Variants in UTRN observed in about 807,000 individuals in gnomAD.
The protein encoded by UTRN is dystrophin-related protein 1.
In UTRN, 283 loss-of-function variants were observed where a neutral mutation model predicts 463.9. The ratio of observed to expected loss-of-function variants is 0.61; its 90% CI spans 0.55 to 0.67. The LOEUF (loss-of-function observed/expected upper bound fraction) is 0.67. Among genes scored for constraint, UTRN ranks in the 30% least tolerant of loss-of-function variants. The pLI is 0.00. For missense variants in UTRN, 3,922 were observed against 4,084.3 expected (o/e 0.96, Z 1.08); for synonymous variants, 1,442 against 1,431.5 (o/e 1.01, Z -0.17).
chr6:144,493,542 A>G, intron 33 of UTRN, 86 bp downstream of exon 33: 1 of 1,403,300 alleles, frequency 7.1e-7, no homozygotes, highest in Non-Finnish European at 9.4e-7. Flanking sequence ...TCTCTCATGT[A>G]TTTTTAAATT....
At chr6:144,410,796 A>ATGTGTG (rs112535909) in intron 3 of UTRN, among the ~76,000 whole-genome samples, 1,937 of 141,246 alleles carry the variant, frequency 0.014, 29 homozygotes, top group African/African-American at 0.042. Flanking sequence ...TGGTGTGTAT[A>ATGTGTG]TGTGTGTGTG....
chr6:144,338,488 G>A (rs1468853050), intron 2 of UTRN, among the ~76,000 whole-genome samples: 2 of 152,176 alleles, frequency 1.3e-5, no homozygotes, highest in East Asian at 3.8e-4. Context: ...CTTGGGTGCC[G>A]TGTAGTTGAT....
At chr6:144,668,782 G>C (rs536659143) in intron 51 of UTRN, among the ~76,000 whole-genome samples, 1 of 152,198 alleles carries the variant, frequency 6.6e-6, no homozygotes, top group African/African-American at 2.4e-5. Context: ...ATTATTGTCA[G>C]GGTTAGGGGT....
intron 62 of UTRN, among the ~76,000 whole-genome samples, chr6:144,790,244 T>C (rs1022073931): frequency 1.1e-4 from 17 of 152,168 alleles, no homozygotes; most frequent in African/African-American, 3.9e-4. Context: ...AAAATGTGAA[T>C]TTGATCCCAC....
At chr6:144,798,016 G>A in intron 64 of UTRN, 26 bp downstream of exon 64, 1 of 1,612,960 alleles carries the variant, frequency 6.2e-7, no homozygotes, top group Non-Finnish European at 8.5e-7. Flanking sequence ...GCTGGAGGAG[G>A]CTATTTTCTG....
At chr6:144,295,995 C>T (rs1269175287) in intron 2 of UTRN, among the ~76,000 whole-genome samples, 1 of 152,214 alleles carries the variant, frequency 6.6e-6, no homozygotes, top group African/African-American at 2.4e-5. Flanking sequence ...ATCTTCCTTG[C>T]TGACTTTAGA....
intron 23 of UTRN, among the ~76,000 whole-genome samples, chr6:144,471,704 C>A (rs1790678752): frequency 6.6e-6 from 1 of 152,052 alleles, no homozygotes; most frequent in African/African-American, 2.4e-5. Flanking sequence ...GTAGCATGGA[C>A]CTGTGGGAAT....
intron 25 of UTRN, among the ~76,000 whole-genome samples, chr6:144,477,149 G>C (rs890201131): frequency 7.2e-5 from 11 of 152,154 alleles, no homozygotes; most frequent in African/African-American, 2.2e-4. Context: ...AAATGATATG[G>C]GAACAGTAGA....
At chr6:144,473,917 G>A in intron 24 of UTRN, 84 bp downstream of exon 24, 1 of 935,578 alleles carries the variant, frequency 1.1e-6, no homozygotes, top group Non-Finnish European at 1.6e-6. Context: ...TTAAAATTGT[G>A]AGAATATAGC....
intron 2 of UTRN, among the ~76,000 whole-genome samples, chr6:144,372,671 A>C (rs960939723): frequency 4.0e-5 from 6 of 151,420 alleles, no homozygotes; most frequent in African/African-American, 7.3e-5. Context: ...ATTTTGGCTA[A>C]TTTTTCTATT....
chr6:144,400,922 T>C (rs1782885054), intron 2 of UTRN, among the ~76,000 whole-genome samples: 1 of 152,222 alleles, frequency 6.6e-6, no homozygotes, highest in Admixed American at 6.5e-5. Flanking sequence ...ATTTCATATG[T>C]GATAAAATGG....
At chr6:144,849,879 T>C (rs1562984937) in intron 74 of UTRN, among the ~76,000 whole-genome samples, 1 of 152,222 alleles carries the variant, frequency 6.6e-6, no homozygotes, top group Non-Finnish European at 1.5e-5. Context: ...TATTAATATG[T>C]AACAAAATGT....
intron 69 of UTRN, among the ~76,000 whole-genome samples, chr6:144,829,723 A>C (rs1780499225): frequency 4.0e-5 from 6 of 151,856 alleles, no homozygotes; most frequent in Admixed American, 3.9e-4. Context: ...AAAAAAAAAA[A>C]ACTATGGAGA....
chr6:144,341,094 C>T (rs1474629), intron 2 of UTRN, among the ~76,000 whole-genome samples: 1 of 152,078 alleles, frequency 6.6e-6, no homozygotes, highest in Non-Finnish European at 1.5e-5. Flanking sequence ...ATGGAAAGTT[C>T]TATTTGACAT....
chr6:144,332,157 G>T (rs1776380103), intron 2 of UTRN, among the ~76,000 whole-genome samples: 1 of 152,186 alleles, frequency 6.6e-6, no homozygotes, highest in Non-Finnish European at 1.5e-5. Flanking sequence ...ACCTGAAGTA[G>T]ATTTTGTGCT....
intron 23 of UTRN, among the ~76,000 whole-genome samples, chr6:144,469,730 T>G (rs566849271): frequency 1.0e-3 from 145 of 142,386 alleles, no homozygotes; most frequent in Middle Eastern, 3.7e-3. Flanking sequence ...TTATTGATCA[T>G]TTTTGGGTGT....
Position 144,337,591 on chromosome 6 carries a change from G to A in UTRN, c.79+45684G>A, listed in dbSNP as rs112910941. On this transcript the variant is annotated intron_variant, in intron 2 of 74. Coordinates refer to ENST00000367545, the MANE Select transcript of UTRN (RefSeq NM_007124.3). ...AGATCTATGTCTGAGGTCTGGCTCC[G>A]TGTGGTTTGGAATACTTTATTGTTA... is the stretch of plus-strand genomic sequence containing the variant. Among the ~76,000 whole-genome samples, 698 of 152,102 alleles carry A rather than the reference G, an allele frequency of 4.6e-3. 7 individuals carry two copies. Among genetic ancestry groups the A allele is most frequent in the African/African-American group, 0.015 (634 of 41,496 alleles).
At chr6:144,303,740 G>T (rs1225993326) in intron 2 of UTRN, among the ~76,000 whole-genome samples, 3 of 152,160 alleles carry the variant, frequency 2.0e-5, no homozygotes, top group African/African-American at 7.2e-5. Flanking sequence ...TGAAAAAGTA[G>T]CAAAGAAAGG....
In UTRN at chr6:144,748,385, C is replaced by T; in HGVS notation, c.8079C>T (p.Leu2693=). The part of the protein sequence containing the change: ...QKQVDKALEK[L]RDLQGAMDDL... The stretch of plus-strand genomic sequence containing the variant: ...AAGTGGACAAGGCATTGGAGAAACT[C>T]AGAGACCTGCAGGGAGCTATGGATG... The change falls in exon 55 of 75, where the codon CTC becomes CTT. Residue 2693 remains leucine, a synonymous_variant. Transcript: ENST00000367545. The T allele has an allele frequency of 6.2e-7, 1 of 1,613,828 alleles. No individual in the cohort carries two copies. The highest frequency in any genetic ancestry group is 1.1e-5 in the South Asian group (1 of 91,082).
Sources: gnomAD v4.1 joint callset for allele counts (sites outside exome capture counted in the v4.1 genomes callset) on GRCh38, gnomAD v4.1.1 for gene constraint, MANE v1.5 for transcripts, NCBI Gene and HGNC (gene_info 2026-07-23, HGNC 2026-07-21) for gene names.